AMBRA1: variants seen among roughly 807,000 people sequenced by gnomAD.
AMBRA1 encodes autophagy and beclin 1 regulator 1.
A neutral mutation model predicts 125.4 loss-of-function variants in AMBRA1; 47 were observed. That is an observed-to-expected ratio of 0.37 (90% CI 0.30 to 0.48). AMBRA1 has a LOEUF of 0.48. Ranked by LOEUF, AMBRA1 falls within the 20% of genes least tolerant of loss-of-function variation. The pLI is 0.99. For synonymous variants in AMBRA1, 626 were observed against 655.5 expected, an observed-to-expected ratio of 0.95 and a Z score of 0.69; for missense variants, 1,331 against 1,693.4, an observed-to-expected ratio of 0.79 and a Z score of 3.76.
In AMBRA1 at chr11:46,543,109, T is replaced by C; in HGVS notation, c.908A>G (p.Gln303Arg). The C allele has an allele frequency of 6.3e-7, 1 of 1,579,874 alleles. No individual in the cohort carries two copies. Among genetic ancestry groups the C allele is most frequent in the African/African-American group, 1.3e-5 (1 of 74,298 alleles). The part of the protein sequence containing the change: ...RVSYPTAECC[Q>R]HLGILCLCSR... ...GCAAAGGCACAGGATCCCAAGGTGC[T>C]GGCAGCACTCAGCTGTGGGGTAACT... The change falls in exon 7 of 18, where the codon CAG becomes CGG. Residue 303 changes from glutamine (Q) to arginine (R), a missense_variant. Gln to Arg is a conservative substitution (Grantham distance 43, BLOSUM62 1). Transcript: ENST00000683756.
At chr11:46,522,567 C>A (rs1266420985) in intron 7 of AMBRA1, among the ~76,000 whole-genome samples, 1 of 152,120 alleles carries the variant, frequency 6.6e-6, no homozygotes. Flanking sequence ...TGCACACATG[C>A]CCCCTACATG....
chr11:46,443,718 G>A, intron 11 of AMBRA1, 120 bp from the exon 12 acceptor site: 1 of 811,708 alleles, frequency 1.2e-6, no homozygotes, highest in Non-Finnish European at 2.0e-6. Context: ...GACTATGGCT[G>A]AAGAAAGCTA....
chr11:46,525,922 T>C (rs978674114), intron 7 of AMBRA1, among the ~76,000 whole-genome samples: 7 of 151,350 alleles, frequency 4.6e-5, no homozygotes, highest in Non-Finnish European at 8.8e-5. Context: ...AAAAAAGAAA[T>C]AGGCTAGGTG....
At chr11:46,578,966 A>G (rs912657648) in intron 1 of AMBRA1, among the ~76,000 whole-genome samples, 20 of 150,676 alleles carry the variant, frequency 1.3e-4, no homozygotes, top group African/African-American at 4.9e-4. Flanking sequence ...ATAAGAGCCA[A>G]TAAACAAGTG....
At chr11:46,516,141 G>A (rs73467950) in intron 7 of AMBRA1, among the ~76,000 whole-genome samples, 1,846 of 152,186 alleles carry the variant, frequency 0.012, 44 homozygotes, top group African/African-American at 0.042. Context: ...TACTTACTAC[G>A]GAATGTGTTG....
chr11:46,506,769 G>C (rs140623293), intron 9 of AMBRA1, among the ~76,000 whole-genome samples: 279 of 152,208 alleles, frequency 1.8e-3, no homozygotes, highest in African/African-American at 6.5e-3. Context: ...TGTTCAATTT[G>C]ATACAGGCCA....
intron 14 of AMBRA1, among the ~76,000 whole-genome samples, chr11:46,426,071 A>T (rs1032175847): frequency 2.8e-4 from 37 of 131,192 alleles, no homozygotes; most frequent in African/African-American, 1.1e-3. Context: ...ATCTCAAAAT[A>T]AAAAAAAAAA....
intron 7 of AMBRA1, among the ~76,000 whole-genome samples, chr11:46,524,443 A>ATATC (rs1951883582): frequency 6.6e-6 from 1 of 152,198 alleles, no homozygotes; most frequent in Admixed American, 6.5e-5. Flanking sequence ...AAACCTTTTG[A>ATATC]TATATCTTAA....
chr11:46,543,126 G>T lies in AMBRA1; in HGVS notation c.891C>A (p.Pro297=), dbSNP rs1289638734. ...YIRLRQRVSY[P]TAECCQHLGI... is the part of the protein sequence containing the mutation. ...CAAGGTGCTGGCAGCACTCAGCTGT[G>T]GGGTAACTGACCCGCTGTCGGAGCC... Residue 297 remains proline, a synonymous_variant, in exon 7 of 18, where the codon CCC becomes CCA. Transcript: ENST00000683756. 3.2e-6 allele frequency: 5 copies of T among 1,571,484 alleles called. No homozygotes were observed. In the African/African-American group the frequency reaches 5.4e-5, roughly 17 times the overall value.
chr11:46,425,489 CTCA>C (rs1947081650), intron 14 of AMBRA1, among the ~76,000 whole-genome samples: 1 of 152,194 alleles, frequency 6.6e-6, no homozygotes, highest in Non-Finnish European at 1.5e-5. Flanking sequence ...CTGGGAACCT[CTCA>C]TCATGTCTCA....
intron 15 of AMBRA1, among the ~76,000 whole-genome samples, chr11:46,416,798 C>A (rs1255863800): frequency 1.3e-5 from 2 of 152,186 alleles, no homozygotes; most frequent in African/African-American, 4.8e-5. Context: ...TCGGCTGGAA[C>A]CTTGCAGCGT....
chr11:46,477,321 CTTT>C (rs1007078980), intron 11 of AMBRA1, among the ~76,000 whole-genome samples: 4 of 142,382 alleles, frequency 2.8e-5, no homozygotes, highest in Admixed American at 7.1e-5. Flanking sequence ...AAAGATACTT[CTTT>C]TTTTTTTTTT....
intron 9 of AMBRA1, among the ~76,000 whole-genome samples, chr11:46,507,218 G>GCCTGTAAT (rs1416145844): frequency 7.5e-6 from 1 of 133,394 alleles, no homozygotes; most frequent in East Asian, 2.3e-4. Flanking sequence ...GGTGGGTCAC[G>GCCTGTAAT]CCTGTAATCC....
chr11:46,408,433 T>G, intron 17 of AMBRA1, 80 bp downstream of exon 17: 1 of 1,340,986 alleles, frequency 7.5e-7, no homozygotes. Context: ...TGGGAGGGGG[T>G]ATGCATCCTG....
At chr11:46,398,028 G>T (rs917814671) in intron 17 of AMBRA1, 85 bp from the exon 18 acceptor site, 1 of 1,488,144 alleles carries the variant, frequency 6.7e-7, no homozygotes, top group South Asian at 1.3e-5. Context: ...GTAGCAGCTG[G>T]GGGATTCTTG....
At chr11:46,444,349 T>C (rs1242968875) in intron 11 of AMBRA1, among the ~76,000 whole-genome samples, 1 of 152,196 alleles carries the variant, frequency 6.6e-6, no homozygotes, top group Non-Finnish European at 1.5e-5. Flanking sequence ...TATTCTTCTG[T>C]ATGACATTTT....
At chr11:46,558,419 C>T (rs1178355961) in intron 1 of AMBRA1, among the ~76,000 whole-genome samples, 1 of 151,720 alleles carries the variant, frequency 6.6e-6, no homozygotes, top group Non-Finnish European at 1.5e-5. Context: ...CATGGTGGCA[C>T]ATGCCTGTAA....
chr11:46,559,241 A>G (rs890054312), intron 1 of AMBRA1, among the ~76,000 whole-genome samples: 1 of 152,040 alleles, frequency 6.6e-6, no homozygotes. Flanking sequence ...CAGAGGTTGC[A>G]GTGAGCCGAG....
At chr11:46,571,932 C>T (rs908410669) in intron 1 of AMBRA1, among the ~76,000 whole-genome samples, 2 of 152,030 alleles carry the variant, frequency 1.3e-5, no homozygotes, top group Non-Finnish European at 2.9e-5. Flanking sequence ...TCGTGATCCG[C>T]CTGCCTCAGC....
Sources: gnomAD v4.1 joint callset for allele counts (sites outside exome capture counted in the v4.1 genomes callset) on GRCh38, gnomAD v4.1.1 for gene constraint, MANE v1.5 for transcripts, NCBI Gene and HGNC (gene_info 2026-07-23, HGNC 2026-07-21) for gene names.